ZMYND11: variants seen among roughly 807,000 people sequenced by gnomAD.
The protein encoded by ZMYND11 is zinc finger MYND domain-containing protein 11.
In ZMYND11, 9 loss-of-function variants were observed where a neutral mutation model predicts 84.9. The observed-to-expected ratio is 0.11, with a 90% CI of 0.06 to 0.18. The LOEUF is 0.18. Among genes scored for constraint, ZMYND11 ranks in the 10% least tolerant of loss-of-function variants. The pLI, the probability that ZMYND11 is intolerant of heterozygous loss-of-function variation, is 1.00. For synonymous variants in ZMYND11, 250 were observed against 244.1 expected (o/e 1.02, Z -0.23); for missense variants, 409 against 761.0 (o/e 0.54, Z 5.44).
rs782780848 is a variant in ZMYND11 at position 153,099 on chromosome 10, G to A, written c.-20+17540G>A. Among the ~76,000 whole-genome samples the A allele has an allele frequency of 2.4e-4, 36 of 152,132 alleles. 1 individual carries two copies. The highest frequency in any genetic ancestry group is 4.3e-4 in the Non-Finnish European group (29 of 68,028). ...TCTCTGCCCTTGAATACCTTTAGCC[G>A]TGGTACTGATGTACTGATATGTTCT... On this transcript the variant is annotated intron_variant, in intron 1 of 14. Coordinates refer to ENST00000381604, the MANE Select transcript of ZMYND11 (RefSeq NM_001370100.5).
rs776685811 is a variant in ZMYND11, at chr10:209,911, A to G, written c.139A>G (p.Met47Val). ...CAGGTATATGTCTCGAGTCCACGGT[A>G]TGCACCCTAAAGAGACCACCCGTCA... Reference protein sequence around the residue: ...ITKYMSRVHGMHPKETTRQLS... With the variant: ...ITKYMSRVHGVHPKETTRQLS... Residue 47 changes from methionine to valine, a missense_variant, in exon 3 of 15, where the codon ATG becomes GTG. This residue lies in a region of ZMYND11 where 73 missense variants were observed against 185.8 expected (regional missense o/e 0.39). Transcript: ENST00000381604. 5 of 1,613,892 alleles carry G rather than the reference A, an allele frequency of 3.1e-6. No homozygotes were observed. The African/African-American group carries it at 4.0e-5, about 13-fold the overall frequency.
chr10:232,344 G>T (rs1024600704), intron 4 of ZMYND11, among the ~76,000 whole-genome samples: 4 of 152,174 alleles, frequency 2.6e-5, no homozygotes, highest in African/African-American at 9.7e-5. Context: ...ATGTCCTGTT[G>T]ATTTCTTTTG....
chr10:140,336 T>G lies in ZMYND11; in HGVS notation c.-20+4777T>G, dbSNP rs1588375697. On this transcript the variant is annotated intron_variant, in intron 1 of 14. Coordinates refer to ENST00000381604, the MANE Select transcript of ZMYND11 (RefSeq NM_001370100.5). ...TTTTAAAAACATATGCAGAAATGAT[T>G]TATTGCTTAAGGAAAGATTTGTGTG... Among the ~76,000 whole-genome samples, 3 of 152,358 alleles carry G rather than the reference T, an allele frequency of 2.0e-5. 1 individual carries two copies. Among genetic ancestry groups the G allele is most frequent in the Admixed American group, 2.0e-4 (3 of 15,302 alleles).
intron 1 of ZMYND11, among the ~76,000 whole-genome samples, chr10:167,646 G>A (rs1421712555): frequency 6.6e-6 from 1 of 152,046 alleles, no homozygotes; most frequent in Non-Finnish European, 1.5e-5. Context: ...TGTATTGCCA[G>A]TTATCCATGT....
intron 1 of ZMYND11, among the ~76,000 whole-genome samples, chr10:142,218 A>G (rs1223318319): frequency 6.6e-6 from 1 of 152,136 alleles, no homozygotes; most frequent in Non-Finnish European, 1.5e-5. Flanking sequence ...CTCACACCTC[A>G]GCCTCCCCAG....
At position 236,835 on chromosome 10, in the gene ZMYND11, T is replaced by C. The variant is rs768713467; in HGVS notation, c.439-3T>C. ...CCTTTTTTTATTCTTTTTTTTTCAA[T>C]AGAGCATTAAGAAGAAGAATACAAA... On this transcript the variant is annotated splice_region_variant and splice_polypyrimidine_tract_variant and intron_variant, in intron 4 of 14. Transcript: ENST00000381604. 4 of 1,608,790 alleles carry C rather than the reference T, an allele frequency of 2.5e-6. No homozygotes were observed. The highest frequency in any genetic ancestry group is 3.4e-6 in the Non-Finnish European group (4 of 1,176,928).
intron 3 of ZMYND11, among the ~76,000 whole-genome samples, chr10:216,467 A>G (rs939848275): frequency 1.3e-5 from 2 of 152,220 alleles, no homozygotes; most frequent in Non-Finnish European, 2.9e-5. Context: ...TTAATATGAA[A>G]TATACCTTTT....
At chr10:207,689 A>T (rs1362356529) in intron 2 of ZMYND11, among the ~76,000 whole-genome samples, 1 of 152,230 alleles carries the variant, frequency 6.6e-6, no homozygotes, top group Non-Finnish European at 1.5e-5. Context: ...CATGGAGAGG[A>T]AGAATCAATA....
chr10:209,392 A>T (rs1369720983), intron 2 of ZMYND11, among the ~76,000 whole-genome samples: 1 of 152,146 alleles, frequency 6.6e-6, no homozygotes, highest in Non-Finnish European at 1.5e-5. Context: ...CTTTCCTTAT[A>T]TGTTGACAAG....
rs375314058 is a variant in ZMYND11, at chr10:136,788, A to G, written c.-20+1229A>G. On this transcript the variant is annotated intron_variant, in intron 1 of 14. Transcript: ENST00000381604. ...ACTTGGGGTCATATATGGTGTGTAC[A>G]TAGTATCCTTTCACACTGTGTATGC... Among the ~76,000 whole-genome samples the G allele has an allele frequency of 1.6e-4, 25 of 152,216 alleles. 1 individual carries two copies. The South Asian group carries it at 3.9e-3, about 24-fold the overall frequency.
rs150021910 is a variant in ZMYND11 at position 143,269 on chromosome 10, C to T, written c.-20+7710C>T. On this transcript the variant is annotated intron_variant, in intron 1 of 14. Transcript: ENST00000381604. ...AGATTGAGATCATCCTGACACTCAG[C>T]AGTGATGCTGCAACGGGATAATTGA... Among the ~76,000 whole-genome samples the T allele has an allele frequency of 4.6e-3, 699 of 152,344 alleles. 5 individuals are homozygous for T. Among genetic ancestry groups the T allele is most frequent in the African/African-American group, 0.016 (667 of 41,564 alleles).
rs890558932 is a variant in ZMYND11 at position 248,759 on chromosome 10, A to G, written c.1501-144A>G. On this transcript the variant is annotated intron_variant, in intron 13 of 14. Coordinates refer to ENST00000381604, the MANE Select transcript of ZMYND11 (RefSeq NM_001370100.5). ...TTTTACAGCATTTCAAGTAATAATG[A>G]TACTTTCCTCACCTAAATTTTTTAC... The G allele has an allele frequency of 1.4e-5, 19 of 1,390,524 alleles. No homozygotes were observed. In the South Asian group the frequency reaches 2.4e-4, roughly 18 times the overall value. The allele number at this position is 1,390,524 out of a possible 1,614,324, so 86.1% of individuals were successfully genotyped here.
chr10:228,476 A>C (rs1164714406), intron 4 of ZMYND11, among the ~76,000 whole-genome samples: 1 of 152,230 alleles, frequency 6.6e-6, no homozygotes, highest in Non-Finnish European at 1.5e-5. Flanking sequence ...TCCAAAGTTC[A>C]TGAACAGAAA....
At chr10:203,202 T>A (rs1943543395) in intron 2 of ZMYND11, among the ~76,000 whole-genome samples, 1 of 152,150 alleles carries the variant, frequency 6.6e-6, no homozygotes, top group Admixed American at 6.5e-5. Context: ...GGTGTGCACT[T>A]TACTAGAAGT....
chr10:251,063 T>C (rs1297387915), intron 14 of ZMYND11, among the ~76,000 whole-genome samples: 1 of 152,086 alleles, frequency 6.6e-6, no homozygotes, highest in Non-Finnish European at 1.5e-5. Context: ...CATCTTACAT[T>C]GTTGTAAGAA....
intron 2 of ZMYND11, among the ~76,000 whole-genome samples, chr10:209,157 G>A (rs1944725255): frequency 6.6e-6 from 1 of 151,870 alleles, no homozygotes; most frequent in Admixed American, 6.6e-5. Context: ...AAGATACAAA[G>A]CAAATATGCC....
chr10:146,834 A>G (rs1470009413), intron 1 of ZMYND11, among the ~76,000 whole-genome samples: 1 of 152,140 alleles, frequency 6.6e-6, no homozygotes, highest in Admixed American at 6.5e-5. Flanking sequence ...GTCTCACAAG[A>G]TCTGATGGTT....
intron 4 of ZMYND11, among the ~76,000 whole-genome samples, chr10:224,378 T>C (rs1296114841): frequency 2.0e-5 from 3 of 152,220 alleles, no homozygotes; most frequent in African/African-American, 7.2e-5. Context: ...AATGTCTGCC[T>C]TTCTAAAAAA....
At position 149,965 on chromosome 10, in the gene ZMYND11, C is replaced by T. The variant is rs549887083; in HGVS notation, c.-20+14406C>T. 2.6e-5 allele frequency among the ~76,000 whole-genome samples: 4 copies of T among 152,328 alleles called. No individual in the cohort carries two copies. In the South Asian group the frequency reaches 8.3e-4, roughly 32 times the overall value. ...CCTTGCATCCCAGGGATGAAGCCCA[C>T]TTGATCATGGTGGATAAGCTTTTCG... On this transcript the variant is annotated intron_variant, in intron 1 of 14. Transcript: ENST00000381604.
Sources: gnomAD v4.1 joint callset for allele counts (sites outside exome capture counted in the v4.1 genomes callset) on GRCh38, gnomAD v4.1.1 for gene constraint, gnomAD v4.1.1 regional missense constraint, MANE v1.5 for transcripts, NCBI Gene and HGNC (gene_info 2026-07-23, HGNC 2026-07-21) for gene names.